OSBPL8: variants seen among roughly 807,000 people sequenced by gnomAD.
The protein encoded by OSBPL8 is oxysterol binding protein like 8.
Under a neutral mutation model 125.5 loss-of-function variants are expected in OSBPL8, and 59 were observed. That is an observed-to-expected ratio of 0.47 (90% CI 0.38 to 0.58). The LOEUF is 0.58. OSBPL8 is among the 20% of genes least tolerant of loss of function. OSBPL8 has a pLI of 0.00. For synonymous variants in OSBPL8, 330 were observed against 338.9 expected, an observed-to-expected ratio of 0.97 and a Z score of 0.29; for missense variants, 758 against 1,047.8, an observed-to-expected ratio of 0.72 and a Z score of 3.82.
intron 2 of OSBPL8, among the ~76,000 whole-genome samples, chr12:76,467,486 A>G (rs1020075455): frequency 1.3e-5 from 2 of 152,352 alleles, no homozygotes; most frequent in Non-Finnish European, 2.9e-5. Context: ...ACATCTTTGT[A>G]TCAGAGATAG....
At chr12:76,482,992 T>G (rs1412755026) in intron 2 of OSBPL8, among the ~76,000 whole-genome samples, 1 of 152,178 alleles carries the variant, frequency 6.6e-6, no homozygotes, top group East Asian at 1.9e-4. Context: ...CAGGGCACGG[T>G]GGCTCATGCC....
chr12:76,498,128 G>A (rs370957940), intron 1 of OSBPL8, among the ~76,000 whole-genome samples: 2 of 152,128 alleles, frequency 1.3e-5, no homozygotes, highest in East Asian at 3.9e-4. Flanking sequence ...ATTTGGGCTG[G>A]GCACAGTGGC....
At chr12:76,494,428 T>A (rs1033758764) in intron 1 of OSBPL8, among the ~76,000 whole-genome samples, 10 of 152,156 alleles carry the variant, frequency 6.6e-5, no homozygotes, top group African/African-American at 2.4e-4. Flanking sequence ...TTTCTCTGTA[T>A]TGACAATTAT....
chr12:76,365,783 T>C (rs1033075886), intron 21 of OSBPL8, among the ~76,000 whole-genome samples: 2 of 152,218 alleles, frequency 1.3e-5, no homozygotes, highest in Non-Finnish European at 2.9e-5. Context: ...CCTAGATTTA[T>C]GAGGTCTTTC....
At chr12:76,539,481 A>G (rs1161686412) in intron 1 of OSBPL8, among the ~76,000 whole-genome samples, 1 of 152,208 alleles carries the variant, frequency 6.6e-6, no homozygotes, top group South Asian at 2.1e-4. Flanking sequence ...GATAAAAATA[A>G]AAGGAAATAC....
chr12:76,454,911 C>G (rs972269712), intron 3 of OSBPL8, among the ~76,000 whole-genome samples: 2 of 151,990 alleles, frequency 1.3e-5, no homozygotes, highest in Non-Finnish European at 2.9e-5. Flanking sequence ...ACAACCTAGT[C>G]ATGCCCTCTT....
At position 76,378,537 on chromosome 12, in the gene OSBPL8, A is replaced by G. The variant is rs778758605; in HGVS notation, c.1644T>C (p.Ser548=). The G allele has an allele frequency of 6.3e-7, 1 of 1,591,168 alleles. No homozygotes were observed. The highest frequency in any genetic ancestry group is 8.6e-7 in the Non-Finnish European group (1 of 1,166,254). The part of the protein sequence containing the change: ...AKSKFYGNSL[S]AILEGEARLT... ...ACCGTGCTTCTCCCTCTAATATTGC[A>G]GATAATGAGTTTCCTGAAATAAAAT... Residue 548 remains serine (S), a synonymous_variant, in exon 16 of 24, where the codon TCT becomes TCC. Coordinates refer to ENST00000261183, the MANE Select transcript of OSBPL8 (RefSeq NM_020841.5).
intron 1 of OSBPL8, among the ~76,000 whole-genome samples, chr12:76,529,644 T>C (rs1280087202): frequency 6.6e-6 from 1 of 151,980 alleles, no homozygotes; most frequent in Admixed American, 6.6e-5. Flanking sequence ...CTGAAGAAGC[T>C]AGTGGGGGAA....
intron 6 of OSBPL8, among the ~76,000 whole-genome samples, chr12:76,400,784 A>C (rs76971606): frequency 4.6e-5 from 7 of 150,648 alleles, no homozygotes; most frequent in Admixed American, 6.6e-5. Context: ...TCTTTTAAAT[A>C]ATTTTACCTT....
intron 14 of OSBPL8, among the ~76,000 whole-genome samples, chr12:76,385,214 A>C (rs972052898): frequency 6.6e-6 from 1 of 152,126 alleles, no homozygotes; most frequent in Non-Finnish European, 1.5e-5. Context: ...GGTTATCAAA[A>C]CCTCTAGGAG....
chr12:76,383,659 T>C (rs1313285530), intron 15 of OSBPL8, among the ~76,000 whole-genome samples: 1 of 152,222 alleles, frequency 6.6e-6, no homozygotes, highest in East Asian at 1.9e-4. Context: ...TCTTCTTCAT[T>C]TAAATATTTT....
chr12:76,456,780 GTTA>G (rs541114985), intron 3 of OSBPL8, among the ~76,000 whole-genome samples: 172 of 152,056 alleles, frequency 1.1e-3, no homozygotes, highest in African/African-American at 3.9e-3. Flanking sequence ...TAAAGAAAAT[GTTA>G]TTAAGAAAAT....
At chr12:76,487,117 C>G (rs979352955) in intron 2 of OSBPL8, among the ~76,000 whole-genome samples, 2 of 150,304 alleles carry the variant, frequency 1.3e-5, no homozygotes, top group African/African-American at 4.9e-5. Flanking sequence ...GCAACCTCCA[C>G]CTCCCAAGTT....
intron 23 of OSBPL8, 53 bp downstream of exon 23, chr12:76,356,573 T>G: frequency 8.7e-7 from 1 of 1,146,924 alleles, no homozygotes; most frequent in African/African-American, 1.6e-5. Flanking sequence ...TATAACAGGA[T>G]TCTTAACTAC....
rs74527369 is a variant in OSBPL8, at chr12:76,395,090, A to T, written c.673-361T>A. 1.8e-4 allele frequency among the ~76,000 whole-genome samples: 27 copies of T among 152,328 alleles called. 1 individual carries two copies. In the East Asian group the frequency reaches 5.2e-3, roughly 29 times the overall value. On this transcript the variant is annotated intron_variant, in intron 8 of 23. Coordinates refer to ENST00000261183, the MANE Select transcript of OSBPL8 (RefSeq NM_020841.5). ...AAATACTAAATTTCTAGAAGGCTAAAGAAAGCATGTGGAAATAGAATTATA... is the reference window on the plus strand; with the variant it reads ...AAATACTAAATTTCTAGAAGGCTAATGAAAGCATGTGGAAATAGAATTATA...
In OSBPL8 at chr12:76,352,052, C is replaced by T. The variant is rs1368616717; in HGVS notation, c.*3837G>A. The T allele has an allele frequency of 2.0e-4, 31 of 152,314 alleles. No individual in the cohort carries two copies. The highest frequency in any genetic ancestry group is 1.8e-3 in the Admixed American group (27 of 15,278). 9.4% of individuals were successfully genotyped at this position (152,314 alleles called of 1,614,324 possible). ...TTTTTATTCTATCACACAAAACTGA[C>T]CAGTGGTAGTGCTTGAATTTATGAA... On this transcript the variant is annotated 3_prime_UTR_variant, in exon 24 of 24. Coordinates refer to ENST00000261183, the MANE Select transcript of OSBPL8 (RefSeq NM_020841.5).
intron 3 of OSBPL8, among the ~76,000 whole-genome samples, chr12:76,457,883 T>C (rs1874249120): frequency 6.6e-6 from 1 of 152,182 alleles, no homozygotes; most frequent in Non-Finnish European, 1.5e-5. Context: ...CCTGAGTCCA[T>C]GTCTAAATAT....
At chr12:76,404,662 T>A (rs1384672235) in intron 5 of OSBPL8, among the ~76,000 whole-genome samples, 1 of 152,178 alleles carries the variant, frequency 6.6e-6, no homozygotes, top group Non-Finnish European at 1.5e-5. Flanking sequence ...AAACAGTAAA[T>A]ATACTTTCTC....
chr12:76,365,539 A>C (rs1355188290), intron 21 of OSBPL8, among the ~76,000 whole-genome samples: 2 of 152,184 alleles, frequency 1.3e-5, no homozygotes, highest in Non-Finnish European at 2.9e-5. Flanking sequence ...TATATAGGAT[A>C]ATGTCACCTG....
Sources: gnomAD v4.1 joint callset for allele counts (sites outside exome capture counted in the v4.1 genomes callset) on GRCh38, gnomAD v4.1.1 for gene constraint, MANE v1.5 for transcripts, NCBI Gene and HGNC (gene_info 2026-07-23, HGNC 2026-07-21) for gene names.